The following NEDD1 variants were observed in gnomAD, a reference collection of about 807,000 sequenced individuals.
The protein encoded by NEDD1 is NEDD1 gamma-tubulin ring complex targeting factor.
Under a neutral mutation model 74.0 loss-of-function variants are expected in NEDD1, and 33 were observed. The ratio of observed to expected loss-of-function variants is 0.45; its 90% confidence interval spans 0.34 to 0.60. The LOEUF (loss-of-function observed/expected upper bound fraction) is 0.60, where lower values mean the gene tolerates loss of function less well. Ranked by LOEUF, NEDD1 falls within the 20% of genes least tolerant of loss-of-function variation. The pLI, the probability that NEDD1 is intolerant of heterozygous loss-of-function variation, is 0.01. For missense variants in NEDD1, 746 were observed against 776.5 expected, an observed-to-expected ratio of 0.96 and a Z score of 0.47; for synonymous variants, 250 against 264.4, an observed-to-expected ratio of 0.95 and a Z score of 0.53.
In NEDD1 at chr12:96,912,731, T is replaced by A. The variant is rs368201005; in HGVS notation, c.145T>A (p.Leu49Ile). Residue 49 changes from leucine to isoleucine, a missense_variant, in exon 4 of 16, where the codon TTA becomes ATA. Coordinates refer to ENST00000266742, the MANE Select transcript of NEDD1 (RefSeq NM_152905.4). ...SICWSSNNNF[L>I]VTASSSGDKI... Reference sequence around the variant, plus strand: ...CATAACTCCTCATTTAGATAACTTTTTAGTAACAGCATCTTCCAGTGGCGA... The same window carrying A: ...CATAACTCCTCATTTAGATAACTTTATAGTAACAGCATCTTCCAGTGGCGA... The A allele has an allele frequency of 1.8e-5, 28 of 1,573,730 alleles. No individual in the cohort carries two copies. Among genetic ancestry groups the A allele is most frequent in the Non-Finnish European group, 2.4e-5 (27 of 1,144,070 alleles).
At position 96,951,987 on chromosome 12, in the gene NEDD1, T is replaced by G. The variant is rs1878750834; in HGVS notation, c.1917T>G (p.Asn639Lys). The G allele has an allele frequency of 1.2e-6, 2 of 1,605,476 alleles. No individual in the cohort carries two copies. The highest frequency in any genetic ancestry group is 1.7e-6 in the Non-Finnish European group (2 of 1,173,468). The change falls in exon 16 of 16, where the codon AAT becomes AAG. Residue 639 changes from asparagine (N) to lysine (K), a missense_variant. Physicochemically the swap from Asn to Lys is moderately conservative, Grantham distance 94. Around this residue, in one of 3 missense-constraint regions of NEDD1, gnomAD observed 29 missense variants for 50.8 expected, o/e 0.57. Transcript: ENST00000266742. Reference protein sequence around the residue: ...MHSLLERYSVNEGLVAEIERL... With the variant: ...MHSLLERYSVKEGLVAEIERL... The stretch of plus-strand genomic sequence containing the variant: ...CTTTGCTGGAAAGATACTCAGTGAA[T>G]GAAGGTTTAGTGGCTGAAATTGAAA...
intron 10 of NEDD1, 90 bp downstream of exon 10, chr12:96,940,627 C>A: frequency 1.2e-6 from 1 of 849,588 alleles, no homozygotes; most frequent in Non-Finnish European, 1.8e-6. Flanking sequence ...CAGTCCAACT[C>A]TATTCACGGA....
At chr12:96,912,867 G>C in intron 4 of NEDD1, 50 bp downstream of exon 4, 1 of 901,292 alleles carries the variant, frequency 1.1e-6, no homozygotes, top group South Asian at 1.5e-5. Flanking sequence ...AGTTTTGCTT[G>C]ACTGGCAATT....
Position 96,950,660 on chromosome 12 carries a change from A to T in NEDD1, c.1812-772A>T, listed in dbSNP as rs373463504. Among the ~76,000 whole-genome samples the T allele has an allele frequency of 5.9e-5, 9 of 151,958 alleles. No individual in the cohort carries two copies. The East Asian group carries it at 1.5e-3, about 26-fold the overall frequency. On this transcript the variant is annotated intron_variant, in intron 14 of 15. Transcript: ENST00000266742. ...AAACATTGACTACAGATTATATGTTATACAAATGTATTAAAAAAGCAAAAG... is the reference window on the plus strand; with the variant it reads ...AAACATTGACTACAGATTATATGTTTTACAAATGTATTAAAAAAGCAAAAG...
At chr12:96,939,658 A>C (rs1196780160) in intron 9 of NEDD1, among the ~76,000 whole-genome samples, 1 of 151,932 alleles carries the variant, frequency 6.6e-6, no homozygotes, top group Non-Finnish European at 1.5e-5. Flanking sequence ...AACTGTCGTT[A>C]CTCCAGTAAT....
intron 14 of NEDD1, among the ~76,000 whole-genome samples, chr12:96,950,323 A>G (rs920757459): frequency 4.6e-5 from 7 of 152,012 alleles, no homozygotes; most frequent in Non-Finnish European, 1.0e-4. Flanking sequence ...TACTGGTGAC[A>G]TCCATTGATA....
At chr12:96,931,937 G>A (rs773947980) in intron 6 of NEDD1, among the ~76,000 whole-genome samples, 4 of 151,966 alleles carry the variant, frequency 2.6e-5, no homozygotes, top group Non-Finnish European at 4.4e-5. Context: ...AATTATCTTA[G>A]TAGAGACTGA....
chr12:96,922,339 T>C (rs2053602305), intron 6 of NEDD1, among the ~76,000 whole-genome samples: 1 of 152,218 alleles, frequency 6.6e-6, no homozygotes, highest in Non-Finnish European at 1.5e-5. Flanking sequence ...CTATAAACTT[T>C]GGAACTATTG....
At chr12:96,945,617 C>G in intron 13 of NEDD1, 76 bp from the exon 14 acceptor site, 1 of 927,258 alleles carries the variant, frequency 1.1e-6, no homozygotes, top group Non-Finnish European at 1.7e-6. Context: ...TTTGCACATG[C>G]CAAATCTTAT....
rs184803194 is a variant in NEDD1 at position 96,949,261 on chromosome 12, A to C, written c.1812-2171A>C. ...GGCTACCTCAATGGTTCCCTGATAC[A>C]GTGTTTTTGTTTGTTTTCAATACAG... On this transcript the variant is annotated intron_variant, in intron 14 of 15. Coordinates refer to ENST00000266742, the MANE Select transcript of NEDD1 (RefSeq NM_152905.4). 2.6e-5 allele frequency among the ~76,000 whole-genome samples: 4 copies of C among 152,312 alleles called. No individual in the cohort carries two copies. In the East Asian group the frequency reaches 7.7e-4, roughly 29 times the overall value.
chr12:96,944,297 A>C (rs370936307), intron 12 of NEDD1, among the ~76,000 whole-genome samples: 1 of 152,070 alleles, frequency 6.6e-6, no homozygotes, highest in Non-Finnish European at 1.5e-5. Flanking sequence ...GTACAAAAAC[A>C]TCTTTTGATT....
At chr12:96,948,812 TC>T (rs1213583038) in intron 14 of NEDD1, among the ~76,000 whole-genome samples, 1 of 152,338 alleles carries the variant, frequency 6.6e-6, no homozygotes, top group Admixed American at 6.5e-5. Context: ...GTATTCACTG[TC>T]TTTTTTACCT....
intron 10 of NEDD1, 87 bp downstream of exon 10, chr12:96,940,624 A>G: frequency 1.1e-6 from 1 of 881,016 alleles, no homozygotes; most frequent in Admixed American, 2.6e-5. Context: ...CTTCAGTCCA[A>G]CTCTATTCAC....
chr12:96,916,080 A>G (rs1304408617), intron 4 of NEDD1, among the ~76,000 whole-genome samples: 1 of 152,076 alleles, frequency 6.6e-6, no homozygotes, highest in Non-Finnish European at 1.5e-5. Flanking sequence ...ATAGGGTTGT[A>G]TATTTAAGGA....
chr12:96,912,489 C>G (rs1874021019), intron 3 of NEDD1: 1 of 346,486 alleles, frequency 2.9e-6, no homozygotes, highest in Non-Finnish European at 5.2e-6. Flanking sequence ...GGTTAAATAG[C>G]TTTTGAGTGA....
At chr12:96,930,156 AAC>A (rs61405089) in intron 6 of NEDD1, among the ~76,000 whole-genome samples, 1,460 of 93,478 alleles carry the variant, frequency 0.016, 3 homozygotes, top group Non-Finnish European at 0.02. Flanking sequence ...TCTGTTGTAA[AAC>A]ACACACACAC....
intron 6 of NEDD1, among the ~76,000 whole-genome samples, chr12:96,926,781 C>T (rs575955663): frequency 7.2e-5 from 11 of 151,734 alleles, no homozygotes; most frequent in Non-Finnish European, 1.6e-4. Flanking sequence ...TCACTTGAGC[C>T]CAGGAGACCA....
intron 4 of NEDD1, among the ~76,000 whole-genome samples, chr12:96,915,988 A>AC (rs1266514115): frequency 1.3e-5 from 2 of 152,154 alleles, no homozygotes; most frequent in African/African-American, 4.8e-5. Flanking sequence ...ATATCTGTTG[A>AC]CCAGAAAGTC....
intron 6 of NEDD1, among the ~76,000 whole-genome samples, chr12:96,923,315 G>A (rs79336777): frequency 0.019 from 2,909 of 151,846 alleles, 87 homozygotes; most frequent in African/African-American, 0.067. Context: ...GGTAGCTACT[G>A]TGAATATTTT....
Sources: gnomAD v4.1 joint callset for allele counts (sites outside exome capture counted in the v4.1 genomes callset) on GRCh38, gnomAD v4.1.1 for gene constraint, gnomAD v4.1.1 regional missense constraint, MANE v1.5 for transcripts, NCBI Gene and HGNC (gene_info 2026-07-23, HGNC 2026-07-21) for gene names.